Variants in FAM227B observed in about 807,000 individuals in gnomAD.
The protein encoded by FAM227B is protein FAM227B.
Under a neutral mutation model 73.8 loss-of-function variants are expected in FAM227B, and 88 were observed. The observed-to-expected ratio is 1.19, with a 90% CI of 1.00 to 1.42. The LOEUF is 1.42. Among genes scored for constraint, FAM227B ranks in the 40% most tolerant of loss-of-function variants. The pLI, the probability that FAM227B is intolerant of heterozygous loss-of-function variation, is 0.00. For synonymous variants in FAM227B, 210 were observed against 190.5 expected (o/e 1.10, Z -0.84); for missense variants, 632 against 590.9 (o/e 1.07, Z -0.72).
At chr15:49,361,710 C>T (rs1388905670) in intron 13 of FAM227B, among the ~76,000 whole-genome samples, 2 of 151,954 alleles carry the variant, frequency 1.3e-5, no homozygotes, top group African/African-American at 2.4e-5. Context: ...TGAGCATACG[C>T]GTGAATGTAT....
chr15:49,394,748 G>A (rs1596829192), intron 11 of FAM227B, among the ~76,000 whole-genome samples: 1 of 152,082 alleles, frequency 6.6e-6, no homozygotes, highest in South Asian at 2.1e-4. Context: ...AAGGAAGAAA[G>A]GACTTCAGTG....
intron 11 of FAM227B, among the ~76,000 whole-genome samples, chr15:49,430,527 G>T (rs1266660981): frequency 6.6e-6 from 1 of 151,792 alleles, no homozygotes. Flanking sequence ...TGATATAAGA[G>T]AATACTGCAG....
At chr15:49,471,266 A>G (rs1567341263) in intron 11 of FAM227B, among the ~76,000 whole-genome samples, 1 of 25,800 alleles carries the variant, frequency 3.9e-5, no homozygotes, top group East Asian at 1.5e-3. Flanking sequence ...TGGGTGGATC[A>G]CCTAGGTCAG....
chr15:49,527,227 G>C (rs1200504161), intron 10 of FAM227B, among the ~76,000 whole-genome samples: 1 of 151,924 alleles, frequency 6.6e-6, no homozygotes, highest in African/African-American at 2.4e-5. Flanking sequence ...TGTAAGGATG[G>C]CTCAAGATAT....
At chr15:49,383,893 A>G (rs752023290) in intron 11 of FAM227B, among the ~76,000 whole-genome samples, 16 of 152,072 alleles carry the variant, frequency 1.1e-4, no homozygotes, top group Non-Finnish European at 1.8e-4. Context: ...AGTTTTCTCT[A>G]CCATTTGTCA....
At chr15:49,352,909 G>A (rs1008292829) in intron 13 of FAM227B, among the ~76,000 whole-genome samples, 2 of 152,112 alleles carry the variant, frequency 1.3e-5, no homozygotes, top group African/African-American at 2.4e-5. Flanking sequence ...CTAAAGCTCT[G>A]TTACACTGGT....
intron 11 of FAM227B, chr15:49,484,186 T>C: frequency 3.2e-6 from 2 of 622,478 alleles, no homozygotes; most frequent in Non-Finnish European, 2.8e-6. Context: ...GCCTGCTCAA[T>C]CTGAGGGTTA....
chr15:49,354,994 C>T (rs1407836057), intron 13 of FAM227B, among the ~76,000 whole-genome samples: 8 of 151,278 alleles, frequency 5.3e-5, no homozygotes, highest in African/African-American at 1.5e-4. Flanking sequence ...ACACCTCACA[C>T]GGCAGGGTAC....
intron 8 of FAM227B, among the ~76,000 whole-genome samples, chr15:49,571,260 A>G (rs2075079914): frequency 6.6e-6 from 1 of 151,838 alleles, no homozygotes; most frequent in Non-Finnish European, 1.5e-5. Flanking sequence ...TTAACCCCTT[A>G]TCAGATGTAT....
chr15:49,409,895 A>T (rs1478236862), intron 11 of FAM227B, among the ~76,000 whole-genome samples: 1 of 152,190 alleles, frequency 6.6e-6, no homozygotes, highest in Non-Finnish European at 1.5e-5. Context: ...GCTTTAATAT[A>T]TAAAATAGAG....
At chr15:49,358,971 AAAAC>A (rs1324065177) in intron 13 of FAM227B, among the ~76,000 whole-genome samples, 1 of 150,568 alleles carries the variant, frequency 6.6e-6, no homozygotes, top group African/African-American at 2.4e-5. Flanking sequence ...AAACCTGAGA[AAAAC>A]AAGCAATGGG....
chr15:49,439,324 C>CAG (rs144638662), intron 11 of FAM227B, among the ~76,000 whole-genome samples: 2 of 150,182 alleles, frequency 1.3e-5, no homozygotes, highest in Non-Finnish European at 3.0e-5. Flanking sequence ...GAAAGGGAGG[C>CAG]AGAGAGAGAG....
intron 9 of FAM227B, among the ~76,000 whole-genome samples, chr15:49,565,034 C>G: frequency 6.6e-6 from 1 of 151,938 alleles, no homozygotes; most frequent in Non-Finnish European, 1.5e-5. Context: ...TTTTAAGTAA[C>G]TGTAGGTTGT....
intron 9 of FAM227B, among the ~76,000 whole-genome samples, chr15:49,546,090 C>T (rs1439210325): frequency 6.6e-6 from 1 of 151,886 alleles, no homozygotes; most frequent in African/African-American, 2.4e-5. Flanking sequence ...GTATATCTCC[C>T]AATGCTATCC....
At chr15:49,560,498 T>C (rs1269429473) in intron 9 of FAM227B, among the ~76,000 whole-genome samples, 1 of 151,802 alleles carries the variant, frequency 6.6e-6, no homozygotes, top group Non-Finnish European at 1.5e-5. Flanking sequence ...GCTAGAGAGG[T>C]AGACATCCAA....
chr15:49,341,783 C>G (rs1236274193), intron 13 of FAM227B, among the ~76,000 whole-genome samples: 1 of 152,102 alleles, frequency 6.6e-6, no homozygotes, highest in East Asian at 1.9e-4. Context: ...TTTTTCCTTT[C>G]TGCCTTAATT....
At chr15:49,340,009 G>T (rs2151213334) in intron 13 of FAM227B, among the ~76,000 whole-genome samples, 1 of 152,192 alleles carries the variant, frequency 6.6e-6, no homozygotes, top group African/African-American at 2.4e-5. Flanking sequence ...AGACTGCTGT[G>T]CTGGCACGAG....
intron 13 of FAM227B, among the ~76,000 whole-genome samples, chr15:49,351,323 A>T (rs1229577939): frequency 6.6e-6 from 1 of 152,232 alleles, no homozygotes; most frequent in Non-Finnish European, 1.5e-5. Context: ...CTTTTAGATC[A>T]TGTTAAAGTC....
chr15:49,513,216 C>T (rs2059140515), intron 10 of FAM227B, among the ~76,000 whole-genome samples: 1 of 152,128 alleles, frequency 6.6e-6, no homozygotes, highest in Non-Finnish European at 1.5e-5. Flanking sequence ...TTTCCATTCC[C>T]ACCAACAATG....
Sources: gnomAD v4.1 joint callset for allele counts (sites outside exome capture counted in the v4.1 genomes callset) on GRCh38, gnomAD v4.1.1 for gene constraint, MANE v1.5 for transcripts, NCBI Gene and HGNC (gene_info 2026-07-23, HGNC 2026-07-21) for gene names.